Variants in TCF4 observed in about 807,000 individuals in gnomAD.
TCF4 encodes transcription factor 4.
In TCF4, 3 loss-of-function variants were observed where a neutral mutation model predicts 82.1. The observed-to-expected ratio is 0.04, with a 90% CI of 0.02 to 0.09. The LOEUF (loss-of-function observed/expected upper bound fraction) is 0.09. Among genes scored for constraint, TCF4 ranks in the 10% least tolerant of loss-of-function variants. The pLI is 1.00. For missense variants in TCF4, 518 were observed against 852.7 expected (o/e 0.61, Z 4.89); for synonymous variants, 276 against 309.6 (o/e 0.89, Z 1.14).
chr18:55,320,610 A>G (rs1221052824), intron 8 of TCF4, among the ~76,000 whole-genome samples: 2 of 152,210 alleles, frequency 1.3e-5, no homozygotes, highest in African/African-American at 4.8e-5. Flanking sequence ...CGTTTGCGCC[A>G]ATTGCTACAG....
chr18:55,409,690 G>A (rs2094259253), intron 5 of TCF4, among the ~76,000 whole-genome samples: 2 of 152,018 alleles, frequency 1.3e-5, no homozygotes, highest in South Asian at 4.2e-4. Flanking sequence ...AATGATGTAG[G>A]TTCAAAAATT....
chr18:55,337,033 G>GT (rs2078792690), intron 8 of TCF4, among the ~76,000 whole-genome samples: 3 of 152,016 alleles, frequency 2.0e-5, no homozygotes, highest in Admixed American at 1.3e-4. Flanking sequence ...GAAAAATGAA[G>GT]TTTTTTAGAA....
chr18:55,512,837 C>A (rs1445883961), intron 3 of TCF4, among the ~76,000 whole-genome samples: 2 of 152,060 alleles, frequency 1.3e-5, no homozygotes, highest in Admixed American at 6.6e-5. Flanking sequence ...ACAGTAGCAT[C>A]ATAAGATCAA....
intron 8 of TCF4, among the ~76,000 whole-genome samples, chr18:55,307,347 C>T (rs1216258995): frequency 6.6e-6 from 1 of 152,118 alleles, no homozygotes; most frequent in African/African-American, 2.4e-5. Flanking sequence ...TAAACCCAAA[C>T]GTCAATGGTA....
In TCF4 at chr18:55,521,898, T is replaced by C. The variant is rs1337442270; in HGVS notation, c.146-57761A>G. Among the ~76,000 whole-genome samples the C allele has an allele frequency of 3.3e-5, 5 of 152,136 alleles. No homozygotes were observed. In the East Asian group the frequency reaches 7.7e-4, roughly 23 times the overall value. On this transcript the variant is annotated intron_variant, in intron 3 of 19. Transcript: ENST00000354452. ...GGTTGGATGTGTGGCTTAAACAACATACATTTACAGTCCTCTGGCTTTAGA... is the reference window on the plus strand; with the variant it reads ...GGTTGGATGTGTGGCTTAAACAACACACATTTACAGTCCTCTGGCTTTAGA...
chr18:55,421,132 T>C (rs551335551), intron 5 of TCF4, among the ~76,000 whole-genome samples: 41 of 151,166 alleles, frequency 2.7e-4, no homozygotes, highest in Admixed American at 6.6e-5. Flanking sequence ...TTTACCACAA[T>C]AGATTTTACA....
chr18:55,349,585 A>G (rs902646656), intron 8 of TCF4, among the ~76,000 whole-genome samples: 6 of 152,156 alleles, frequency 3.9e-5, no homozygotes, highest in African/African-American at 1.4e-4. Flanking sequence ...AAACAAAGAA[A>G]GAAGAGAGGA....
At chr18:55,563,222 G>C (rs374061102) in intron 3 of TCF4, among the ~76,000 whole-genome samples, 1 of 138,884 alleles carries the variant, frequency 7.2e-6, no homozygotes, top group East Asian at 2.1e-4. Context: ...CCAGGCAACA[G>C]AGTGAGACCC....
At chr18:55,562,800 C>T (rs575676508) in intron 3 of TCF4, among the ~76,000 whole-genome samples, 1 of 152,244 alleles carries the variant, frequency 6.6e-6, no homozygotes, top group East Asian at 1.9e-4. Context: ...TAAATAATAT[C>T]TATAAGTCCA....
At position 55,521,270 on chromosome 18, in the gene TCF4, A is replaced by G. The variant is rs866928199; in HGVS notation, c.146-57133T>C. 4.6e-5 allele frequency among the ~76,000 whole-genome samples: 7 copies of G among 152,306 alleles called. No individual in the cohort carries two copies. The Middle Eastern group carries it at 0.01, about 222-fold the overall frequency. On this transcript the variant is annotated intron_variant, in intron 3 of 19. Coordinates refer to ENST00000354452, the MANE Select transcript of TCF4 (RefSeq NM_001083962.2). ...TTAGCATGAAAATAACTTTCTTCAA[A>G]CAGTTATAGTAATAAAAAATAATGA...
In TCF4 at chr18:55,224,032, AT is replaced by A. The variant is rs758139403; in HGVS notation, c.*4002del. On this transcript the variant is annotated 3_prime_UTR_variant, in exon 20 of 20. Coordinates refer to ENST00000354452, the MANE Select transcript of TCF4 (RefSeq NM_001083962.2). The stretch of plus-strand genomic sequence containing the variant: ...CTCCTGCGAAAAATAAGCCAAATAT[AT>A]TTTTTATTTTTAAATTTAGTTTTTT... 13 of 148,852 alleles carry A rather than the reference AT, an allele frequency of 8.7e-5. No homozygotes were observed. Among genetic ancestry groups the A allele is most frequent in the Non-Finnish European group, 1.9e-4 (13 of 67,050 alleles). 9.2% of individuals were successfully genotyped at this position (148,852 alleles called of 1,614,324 possible).
chr18:55,418,166 G>T (rs975004455), intron 5 of TCF4, among the ~76,000 whole-genome samples: 11 of 151,898 alleles, frequency 7.2e-5, no homozygotes, highest in Non-Finnish European at 4.4e-5. Flanking sequence ...TTTTCCAAAA[G>T]AGAAGATGTT....
At chr18:55,621,013 T>C (rs776913545) in intron 2 of TCF4, among the ~76,000 whole-genome samples, 2 of 152,108 alleles carry the variant, frequency 1.3e-5, no homozygotes, top group African/African-American at 4.8e-5. Context: ...CAATCAGCTA[T>C]TGTGATCTGG....
At chr18:55,321,572 C>G in intron 8 of TCF4, 12 of 1,510,454 alleles carry the variant, frequency 7.9e-6, no homozygotes, top group Non-Finnish European at 9.8e-6. Flanking sequence ...GTGCGGCAGT[C>G]CTGCACAACT....
In TCF4 at chr18:55,328,532, C is replaced by G. The variant is rs910122065; in HGVS notation, c.549+21827G>C. Among the ~76,000 whole-genome samples the G allele has an allele frequency of 7.9e-5, 12 of 152,296 alleles. No individual in the cohort carries two copies. The East Asian group carries it at 2.3e-3, about 29-fold the overall frequency. The stretch of plus-strand genomic sequence containing the variant: ...AAAACAGAGATGGAGGAAGTTGACT[C>G]AGATTGCTGCACTTCCTAGATGAAG... On this transcript the variant is annotated intron_variant, in intron 8 of 19. Transcript: ENST00000354452.
intron 6 of TCF4, among the ~76,000 whole-genome samples, chr18:55,364,530 C>G (rs948457888): frequency 1.3e-5 from 2 of 152,096 alleles, no homozygotes; most frequent in Non-Finnish European, 2.9e-5. Flanking sequence ...AAAAATATAA[C>G]CTGAGTAACT....
chr18:55,237,596 A>C (rs1426654538), intron 15 of TCF4, among the ~76,000 whole-genome samples: 3 of 145,012 alleles, frequency 2.1e-5, no homozygotes, highest in Non-Finnish European at 4.5e-5. Flanking sequence ...CAGCCTCCCA[A>C]GTAACTGGAA....
chr18:55,418,039 GTGTGTATC>G (rs1251567781), intron 5 of TCF4, among the ~76,000 whole-genome samples: 1 of 137,402 alleles, frequency 7.3e-6, no homozygotes, highest in Non-Finnish European at 1.6e-5. Flanking sequence ...GTGTGTGTGT[GTGTGTATC>G]TGTGTGTGTA....
chr18:55,544,242 A>C (rs1236919527), intron 3 of TCF4, among the ~76,000 whole-genome samples: 1 of 152,160 alleles, frequency 6.6e-6, no homozygotes, highest in Non-Finnish European at 1.5e-5. Flanking sequence ...TCAATTGTAA[A>C]ATGATAATTT....
Sources: allele counts gnomAD v4.1 joint callset (sites outside exome capture counted in the v4.1 genomes callset), GRCh38; gene constraint gnomAD v4.1.1; transcripts MANE v1.5; gene names NCBI Gene and HGNC (gene_info 2026-07-23, HGNC 2026-07-21).